CADPS: variants seen among roughly 807,000 people sequenced by gnomAD.
CADPS encodes the protein calcium-dependent secretion activator 1.
Under a neutral mutation model 167.3 loss-of-function variants are expected in CADPS, and 57 were observed. The ratio of observed to expected loss-of-function variants is 0.34; its 90% CI spans 0.28 to 0.42. The LOEUF (loss-of-function observed/expected upper bound fraction) is 0.42, where lower values mean the gene tolerates loss of function less well. Among genes scored for constraint, CADPS ranks in the 20% least tolerant of loss-of-function variants. The pLI is 1.00. For synonymous variants in CADPS, 676 were observed against 635.3 expected (o/e 1.06, Z -0.96); for missense variants, 1,414 against 1,738.1 (o/e 0.81, Z 3.32).
chr3:62,662,131 T>C (rs1028088073), intron 4 of CADPS, among the ~76,000 whole-genome samples, 183 bp downstream of exon 4: 3 of 152,108 alleles, frequency 2.0e-5, no homozygotes, highest in Non-Finnish European at 2.9e-5. Context: ...AGGAAATGCA[T>C]GAGGTATCTC....
chr3:62,610,615 G>A (rs1199462145), intron 6 of CADPS, among the ~76,000 whole-genome samples: 3 of 152,128 alleles, frequency 2.0e-5, no homozygotes, highest in Admixed American at 6.5e-5. Flanking sequence ...CAGCTGGGTT[G>A]TTCAGTATCA....
At chr3:62,611,516 T>A (rs2061498099) in intron 6 of CADPS, among the ~76,000 whole-genome samples, 1 of 152,206 alleles carries the variant, frequency 6.6e-6, no homozygotes, top group Non-Finnish European at 1.5e-5. Context: ...TCACTACTTT[T>A]CTGTTCAAAC....
intron 6 of CADPS, among the ~76,000 whole-genome samples, chr3:62,606,735 C>T (rs2060744092): frequency 6.6e-6 from 1 of 152,234 alleles, no homozygotes; most frequent in African/African-American, 2.4e-5. Flanking sequence ...CAAGCACAGG[C>T]TTAAAATGGT....
At chr3:62,608,588 A>C (rs2061032773) in intron 6 of CADPS, among the ~76,000 whole-genome samples, 1 of 152,178 alleles carries the variant, frequency 6.6e-6, no homozygotes, top group Non-Finnish European at 1.5e-5. Flanking sequence ...TGAAAGTTGA[A>C]TTGAGTTGTA....
In CADPS at chr3:62,706,439, A is replaced by T. The variant is rs562493794; in HGVS notation, c.889-44045T>A. Among the ~76,000 whole-genome samples, 28 of 152,208 alleles carry T rather than the reference A, an allele frequency of 1.8e-4. No individual in the cohort carries two copies. In the South Asian group the frequency reaches 4.6e-3, roughly 25 times the overall value. On this transcript the variant is annotated intron_variant, in intron 3 of 29. Coordinates refer to ENST00000383710, the MANE Select transcript of CADPS (RefSeq NM_003716.4). ...GAAGGTGGAGGCCTCCCTATCTTGA[A>T]ATAGGAGAGAAAAGAACTATATGGG... is the stretch of plus-strand genomic sequence containing the variant.
chr3:62,436,075 C>T (rs1004883087), intron 28 of CADPS, among the ~76,000 whole-genome samples: 3 of 152,054 alleles, frequency 2.0e-5, no homozygotes, highest in African/African-American at 7.2e-5. Flanking sequence ...CTGCACTTTT[C>T]CTTTTTAAAT....
intron 11 of CADPS, among the ~76,000 whole-genome samples, chr3:62,545,506 C>T (rs1430183167): frequency 6.6e-6 from 1 of 152,032 alleles, no homozygotes; most frequent in Non-Finnish European, 1.5e-5. Context: ...ATTAAATCAA[C>T]AATGACACAC....
At chr3:62,554,110 G>A (rs1176427248) in intron 10 of CADPS, among the ~76,000 whole-genome samples, 1 of 152,214 alleles carries the variant, frequency 6.6e-6, no homozygotes, top group Non-Finnish European at 1.5e-5. Context: ...TTGATAAACT[G>A]TGGCATTGAA....
At chr3:62,837,604 C>G (rs959391703) in intron 1 of CADPS, among the ~76,000 whole-genome samples, 6 of 152,124 alleles carry the variant, frequency 3.9e-5, no homozygotes, top group African/African-American at 1.4e-4. Flanking sequence ...CAGTGCTGCC[C>G]TATGTCATGT....
Position 62,602,637 on chromosome 3 carries a change from C to G in CADPS, c.1326-9889G>C, listed in dbSNP as rs1371403521. 6.6e-6 allele frequency among the ~76,000 whole-genome samples: 1 copy of G among 152,082 alleles called. No individual in the cohort carries two copies. The highest frequency in any genetic ancestry group is 1.5e-5 in the Non-Finnish European group (1 of 68,030). On this transcript the variant is annotated intron_variant, in intron 6 of 29. Coordinates refer to ENST00000383710, the MANE Select transcript of CADPS (RefSeq NM_003716.4). The surrounding 1 kb of genome is among the most constrained non-coding windows in gnomAD (Gnocchi z 4.4). ...GCTGGGCTTTGGGTTCTTTAGTGTACTAGAAAAGCTAAGCTACCTCTCATC... is the reference window on the plus strand; with the variant it reads ...GCTGGGCTTTGGGTTCTTTAGTGTAGTAGAAAAGCTAAGCTACCTCTCATC...
At chr3:62,524,591 G>T (rs2071585323) in intron 13 of CADPS, among the ~76,000 whole-genome samples, 1 of 152,200 alleles carries the variant, frequency 6.6e-6, no homozygotes, top group Non-Finnish European at 1.5e-5. Flanking sequence ...AGTGAGGACT[G>T]TCTTGACTTA....
At chr3:62,615,502 A>T (rs1261853493) in intron 6 of CADPS, among the ~76,000 whole-genome samples, 2 of 152,174 alleles carry the variant, frequency 1.3e-5, no homozygotes, top group African/African-American at 4.8e-5. Context: ...TAATAATTGA[A>T]CCTGAGTTGA....
intron 10 of CADPS, among the ~76,000 whole-genome samples, chr3:62,555,971 C>T (rs1005695889): frequency 6.6e-6 from 1 of 152,028 alleles, no homozygotes; most frequent in Non-Finnish European, 1.5e-5. Flanking sequence ...CCAGGCTTGT[C>T]GTGAACTTTG....
chr3:62,493,649 C>G lies in CADPS; in HGVS notation c.2723G>C (p.Gly908Ala). Reference protein sequence around the residue: ...EHHAEPHVDKGEAFAWWSDLM... With the variant: ...EHHAEPHVDKAEAFAWWSDLM... ...ACGAGATTTCACTTTACTTACTTCT[C>G]CTTTATCAACATGTGGCTGGTTTGC... The change falls in exon 19 of 30, where the codon GGA becomes GCA. Residue 908 changes from glycine (G) to alanine (A), a missense_variant. Physicochemically the swap from Gly to Ala is moderately conservative, Grantham distance 60 (BLOSUM62 0). Coordinates refer to ENST00000383710, the MANE Select transcript of CADPS (RefSeq NM_003716.4). 3 of 1,555,632 alleles carry G rather than the reference C, an allele frequency of 1.9e-6. No homozygotes were observed. The highest frequency in any genetic ancestry group is 2.6e-6 in the Non-Finnish European group (3 of 1,148,336).
At position 62,875,049 on chromosome 3, in the gene CADPS, G is replaced by A; in HGVS notation, c.-20C>T. 6.4e-7 allele frequency: 1 copy of A among 1,571,784 alleles called. No individual in the cohort carries two copies. The highest frequency in any genetic ancestry group is 8.6e-7 in the Non-Finnish European group (1 of 1,158,500). On this transcript the variant is annotated 5_prime_UTR_variant, in exon 1 of 30. Coordinates refer to ENST00000383710, the MANE Select transcript of CADPS (RefSeq NM_003716.4). Reference sequence around the variant, plus strand: ...CAGCATAGTGGCGCCTGGGGAGCGGGGTCTCTGGAGCCCCCGGCTTGGAGT... The same window carrying A: ...CAGCATAGTGGCGCCTGGGGAGCGGAGTCTCTGGAGCCCCCGGCTTGGAGT...
At position 62,690,110 on chromosome 3, in the gene CADPS, T is replaced by A. The variant is rs559297083; in HGVS notation, c.889-27716A>T. On this transcript the variant is annotated intron_variant, in intron 3 of 29. Coordinates refer to ENST00000383710, the MANE Select transcript of CADPS (RefSeq NM_003716.4). ...TTGACTGTACTGGGCAATCTACATT[T>A]TTTTTAATGGAAATTTTTGGCTTCT... is the stretch of plus-strand genomic sequence containing the variant. Among the ~76,000 whole-genome samples the A allele has an allele frequency of 1.2e-4, 19 of 152,146 alleles. No individual in the cohort carries two copies. In the East Asian group the frequency reaches 3.1e-3, roughly 25 times the overall value.
chr3:62,720,314 T>A (rs2075512127), intron 3 of CADPS, among the ~76,000 whole-genome samples: 1 of 151,036 alleles, frequency 6.6e-6, no homozygotes, highest in African/African-American at 2.5e-5. Flanking sequence ...CAGGGGGGCA[T>A]TTTTGCTTTT....
intron 10 of CADPS, among the ~76,000 whole-genome samples, chr3:62,556,244 G>C (rs1338910897): frequency 6.6e-6 from 1 of 152,198 alleles, no homozygotes; most frequent in African/African-American, 2.4e-5. Context: ...TTTCCAGGCA[G>C]AGCATTTAAT....
chr3:62,446,409 G>T lies in CADPS; in HGVS notation c.3637-612C>A, dbSNP rs1444042879. 6.6e-6 allele frequency among the ~76,000 whole-genome samples: 1 copy of T among 152,144 alleles called. No individual in the cohort carries two copies. The highest frequency in any genetic ancestry group is 1.9e-4 in the East Asian group (1 of 5,188). On this transcript the variant is annotated intron_variant, in intron 26 of 29. Transcript: ENST00000383710. This position sits in a 1 kb window ranked among gnomAD's most constrained non-coding sequence, Gnocchi z 4.9. ...GTGGTTATAAAATTTTTAGTTTTGT[G>T]GGGAGGGAGTATGGTAGCGTGCTAG...
Sources: gnomAD v4.1 joint callset for allele counts (sites outside exome capture counted in the v4.1 genomes callset) on GRCh38, gnomAD v4.1.1 for gene constraint, Gnocchi (gnomAD v3.1) non-coding constraint, MANE v1.5 for transcripts, NCBI Gene and HGNC (gene_info 2026-07-23, HGNC 2026-07-21) for gene names.